The following MED15 variants were observed in gnomAD, a reference collection of about 807,000 sequenced individuals.
The protein encoded by MED15 is mediator complex subunit 15.
In MED15, 41 loss-of-function variants were observed where a neutral mutation model predicts 118.7. That is an observed-to-expected ratio of 0.35 (90% CI 0.27 to 0.45). The LOEUF (loss-of-function observed/expected upper bound fraction) is 0.45. Ranked by LOEUF, MED15 falls within the 20% of genes least tolerant of loss-of-function variation. The pLI, the probability that MED15 is intolerant of heterozygous loss-of-function variation, is 1.00. For synonymous variants in MED15, 436 were observed against 413.9 expected (o/e 1.05, Z -0.65); for missense variants, 740 against 1,025.5 (o/e 0.72, Z 3.80).
chr22:20,551,363 G>T, intron 2 of MED15, 73 bp from the exon 3 acceptor site: 2 of 1,378,714 alleles, frequency 1.5e-6, no homozygotes, highest in Non-Finnish European at 2.1e-6. Flanking sequence ...AGCAGGCGAG[G>T]GGGCGGGAAG....
chr22:20,515,499 G>C (rs562674116), intron 1 of MED15, among the ~76,000 whole-genome samples: 1 of 152,058 alleles, frequency 6.6e-6, no homozygotes, highest in African/African-American at 2.4e-5. Context: ...TCATAATAAA[G>C]TTTACGAAGG....
chr22:20,513,383 A>T (rs1356523046), intron 1 of MED15, among the ~76,000 whole-genome samples: 1 of 150,962 alleles, frequency 6.6e-6, no homozygotes, highest in Admixed American at 6.6e-5. Flanking sequence ...GGGTTCAAGC[A>T]GTTCTCTGCC....
Position 20,584,868 on chromosome 22 carries a change from C to T in MED15, c.1817C>T (p.Pro606Leu), listed in dbSNP as rs755323417. 2 of 1,612,662 alleles carry T rather than the reference C, an allele frequency of 1.2e-6. No homozygotes were observed. Among genetic ancestry groups the T allele is most frequent in the Non-Finnish European group, 1.7e-6 (2 of 1,179,966 alleles). The change falls in exon 15 of 18, where the codon CCG (proline) becomes CTG (leucine). Residue 606 changes from proline (P) to leucine (L), a missense_variant. Pro to Leu is a moderately conservative substitution (Grantham distance 98). Around this residue, in one of 7 missense-constraint regions of MED15, gnomAD observed 179 missense variants for 259.0 expected, o/e 0.69. Coordinates refer to ENST00000263205, the MANE Select transcript of MED15 (RefSeq NM_001003891.3). ...KNDMAVPTPPPPPVPPTKQQY... is the reference protein window; with the variant it reads ...KNDMAVPTPPLPPVPPTKQQY... The stretch of plus-strand genomic sequence containing the variant: ...TCCTGTCTCCAGCCCACTCCCCCAC[C>T]GCCCCCGGTGCCACCGACCAAACAG...
chr22:20,521,088 ATTTT>A (rs924603121), intron 1 of MED15, among the ~76,000 whole-genome samples: 1,012 of 61,378 alleles, frequency 0.016, 16 homozygotes, highest in African/African-American at 0.062. Flanking sequence ...CAGTTGTTCT[ATTTT>A]TTTTTTTTTT....
At position 20,561,476 on chromosome 22, in the gene MED15, C is replaced by A. The variant is rs151276297; in HGVS notation, c.452-2974C>A. ...CGGAGGTTGCAGTGAACCGAGATCA[C>A]GCCACTGCACTCCAGTCTGGCGACA... On this transcript the variant is annotated intron_variant, in intron 5 of 17. Coordinates refer to ENST00000263205, the MANE Select transcript of MED15 (RefSeq NM_001003891.3). Among the ~76,000 whole-genome samples, 580 of 151,246 alleles carry A rather than the reference C, an allele frequency of 3.8e-3. 5 individuals carry two copies. Among genetic ancestry groups the A allele is most frequent in the African/African-American group, 0.013 (540 of 41,172 alleles).
chr22:20,556,972 C>T (rs922927726), intron 5 of MED15, among the ~76,000 whole-genome samples: 4 of 152,148 alleles, frequency 2.6e-5, no homozygotes, highest in Non-Finnish European at 4.4e-5. Context: ...TTCCATGGAA[C>T]GGATTTTCCA....
At chr22:20,531,112 C>T (rs915772977) in intron 1 of MED15, among the ~76,000 whole-genome samples, 1 of 152,188 alleles carries the variant, frequency 6.6e-6, no homozygotes, top group Non-Finnish European at 1.5e-5. Context: ...GAGGGCAGAC[C>T]GGGGCAGCTT....
chr22:20,510,703 G>A (rs759368398), intron 1 of MED15, among the ~76,000 whole-genome samples: 2 of 152,132 alleles, frequency 1.3e-5, no homozygotes, highest in Non-Finnish European at 1.5e-5. Flanking sequence ...TCCCTCCAGC[G>A]AGGGCCAGTT....
intron 1 of MED15, among the ~76,000 whole-genome samples, chr22:20,515,161 G>A (rs1230663191): frequency 6.6e-6 from 1 of 152,196 alleles, no homozygotes; most frequent in Non-Finnish European, 1.5e-5. Context: ...CTGCTCAGGA[G>A]TTCAGGGCTT....
At chr22:20,571,347 G>A (rs569539579) in intron 8 of MED15, among the ~76,000 whole-genome samples, 12 of 152,366 alleles carry the variant, frequency 7.9e-5, no homozygotes, top group African/African-American at 2.4e-4. Flanking sequence ...CAGGAAGGAG[G>A]ATGGAGAGTG....
intron 2 of MED15, among the ~76,000 whole-genome samples, chr22:20,542,123 G>A (rs951058066): frequency 6.6e-6 from 1 of 152,190 alleles, no homozygotes; most frequent in African/African-American, 2.4e-5. Flanking sequence ...TACATTGCTG[G>A]AGAGAATGTG....
intron 3 of MED15, 110 bp from the exon 4 acceptor site, chr22:20,553,035 C>T (rs1047990209): frequency 1.6e-5 from 16 of 999,374 alleles, no homozygotes; most frequent in South Asian, 1.3e-4. Flanking sequence ...CTAGGAGCTC[C>T]GTGGGGATTA....
rs1475746758 is a variant in MED15, at chr22:20,586,782, C to T, written c.*78C>T. Reference sequence around the variant, plus strand: ...CCTGTCAGACACTTCTAGGTGTTGGCTTCCTTAGAGAGCCTGGGGTTAGGT... The same window carrying T: ...CCTGTCAGACACTTCTAGGTGTTGGTTTCCTTAGAGAGCCTGGGGTTAGGT... On this transcript the variant is annotated 3_prime_UTR_variant, in exon 18 of 18. Transcript: ENST00000263205. 1.7e-5 allele frequency: 26 copies of T among 1,570,836 alleles called. No homozygotes were observed. The highest frequency in any genetic ancestry group is 2.2e-5 in the Non-Finnish European group (26 of 1,158,850).
chr22:20,578,176 C>T lies in MED15; in HGVS notation c.1272+2944C>T, dbSNP rs535433322. Among the ~76,000 whole-genome samples the T allele has an allele frequency of 4.5e-4, 69 of 152,306 alleles. 1 individual carries two copies. The South Asian group carries it at 0.014, about 31-fold the overall frequency. Reference sequence around the variant, plus strand: ...CTAACCTTAGGTGATCCGCCCGCCTCGGTCTCCAAAACTGTTGAGATTACA... The same window carrying T: ...CTAACCTTAGGTGATCCGCCCGCCTTGGTCTCCAAAACTGTTGAGATTACA... On this transcript the variant is annotated intron_variant, in intron 9 of 17. Coordinates refer to ENST00000263205, the MANE Select transcript of MED15 (RefSeq NM_001003891.3).
At chr22:20,515,145 A>G (rs1237789218) in intron 1 of MED15, among the ~76,000 whole-genome samples, 2 of 152,210 alleles carry the variant, frequency 1.3e-5, no homozygotes, top group African/African-American at 4.8e-5. Flanking sequence ...TTGAGCCCTC[A>G]GTCATCTGCT....
chr22:20,543,578 G>A (rs1434539713), intron 2 of MED15, among the ~76,000 whole-genome samples: 5 of 149,430 alleles, frequency 3.3e-5, no homozygotes, highest in Non-Finnish European at 4.4e-5. Flanking sequence ...ATTTTTTTGA[G>A]ACTGAGTCTC....
chr22:20,529,534 C>T (rs918401646), intron 1 of MED15, among the ~76,000 whole-genome samples: 1 of 152,214 alleles, frequency 6.6e-6, no homozygotes, highest in Admixed American at 6.5e-5. Flanking sequence ...AAGTGATTCT[C>T]CTGCCTCGGC....
chr22:20,577,289 C>G (rs1446076412), intron 9 of MED15, among the ~76,000 whole-genome samples: 1 of 152,260 alleles, frequency 6.6e-6, no homozygotes, highest in East Asian at 1.9e-4. Context: ...TCCATGCCCC[C>G]ACAAGACCAG....
chr22:20,508,273 A>G (rs2053941283), intron 1 of MED15: 2 of 1,298,210 alleles, frequency 1.5e-6, no homozygotes, highest in African/African-American at 1.5e-5. Flanking sequence ...TTGCCGAAGG[A>G]TGGCAGGAAG....
Sources: allele counts gnomAD v4.1 joint callset (sites outside exome capture counted in the v4.1 genomes callset), GRCh38; gene constraint gnomAD v4.1.1; regional missense constraint gnomAD v4.1.1; transcripts MANE v1.5; gene names NCBI Gene and HGNC (gene_info 2026-07-23, HGNC 2026-07-21).